SH3D19: variants seen among roughly 807,000 people sequenced by gnomAD.
SH3D19 encodes the protein SH3 domain containing 19.
In SH3D19, 58 loss-of-function variants were observed where a neutral mutation model predicts 112.1. That is an observed-to-expected ratio of 0.52 (90% CI 0.42 to 0.64). The LOEUF (loss-of-function observed/expected upper bound fraction) is 0.64, where lower values mean the gene tolerates loss of function less well. Ranked by LOEUF, SH3D19 falls within the 30% of genes least tolerant of loss-of-function variation. The pLI, the probability that SH3D19 is intolerant of heterozygous loss-of-function variation, is 0.00. For synonymous variants in SH3D19, 391 were observed against 448.5 expected (o/e 0.87, Z 1.62); for missense variants, 1,090 against 1,263.4 (o/e 0.86, Z 2.08).
chr4:151,280,127 T>C (rs190831049), intron 1 of SH3D19, among the ~76,000 whole-genome samples: 166 of 67,734 alleles, frequency 2.5e-3, no homozygotes, highest in Middle Eastern at 0.01. Context: ...GGCATAGAAG[T>C]AGAAAAAGGA....
intron 12 of SH3D19, chr4:151,140,126 C>A (rs1752732240): frequency 2.8e-6 from 1 of 352,996 alleles, no homozygotes; most frequent in African/African-American, 2.1e-5. Context: ...CAAAAGGGAA[C>A]TGTTTATTTA....
chr4:151,162,928 G>A (rs1327653170), intron 8 of SH3D19, among the ~76,000 whole-genome samples: 4 of 152,064 alleles, frequency 2.6e-5, no homozygotes, highest in African/African-American at 9.7e-5. Context: ...GACAGTTCTC[G>A]CCATCCTCAA....
intron 13 of SH3D19, among the ~76,000 whole-genome samples, chr4:151,138,686 TCA>T (rs1177218801): frequency 0.061 from 3,287 of 53,994 alleles, 92 homozygotes; most frequent in Admixed American, 0.13. Flanking sequence ...AGATCTTGTC[TCA>T]CACACACACA....
intron 1 of SH3D19, among the ~76,000 whole-genome samples, chr4:151,284,006 T>G (rs1437616253): frequency 1.3e-5 from 2 of 152,228 alleles, no homozygotes; most frequent in Non-Finnish European, 2.9e-5. Flanking sequence ...ATTTTTTCTT[T>G]ACCTTTGATT....
intron 2 of SH3D19, among the ~76,000 whole-genome samples, chr4:151,204,977 C>T (rs1764894768): frequency 6.6e-6 from 1 of 152,010 alleles, no homozygotes; most frequent in Non-Finnish European, 1.5e-5. Context: ...CGCACCACCA[C>T]ACCTGGCTAA....
intron 2 of SH3D19, among the ~76,000 whole-genome samples, chr4:151,200,656 A>G (rs1300422082): frequency 6.6e-6 from 1 of 152,220 alleles, no homozygotes; most frequent in Non-Finnish European, 1.5e-5. Context: ...GAAAGTGACA[A>G]AGAAAATGTT....
chr4:151,307,132 C>A (rs1370065943), intron 1 of SH3D19, among the ~76,000 whole-genome samples: 1 of 151,016 alleles, frequency 6.6e-6, no homozygotes, highest in Non-Finnish European at 1.5e-5. Context: ...CATTCTCCTG[C>A]CTCAGCCTCC....
intron 2 of SH3D19, among the ~76,000 whole-genome samples, chr4:151,207,909 ACTTGAAGAGCCCTGAC>A (rs1397550290): frequency 1.3e-5 from 2 of 152,190 alleles, no homozygotes; most frequent in Non-Finnish European, 2.9e-5. Flanking sequence ...GGTTACAGAG[ACTTGAAGAGCCCTGAC>A]CTTGAAAAGC....
At chr4:151,180,420 T>G (rs1337090635) in intron 3 of SH3D19, among the ~76,000 whole-genome samples, 4 of 149,934 alleles carry the variant, frequency 2.7e-5, no homozygotes, top group African/African-American at 7.3e-5. Flanking sequence ...TCTTTTTTTT[T>G]TTTTTTGAGA....
chr4:151,138,612 T>C (rs1752332006), intron 13 of SH3D19, among the ~76,000 whole-genome samples: 1 of 150,930 alleles, frequency 6.6e-6, no homozygotes, highest in Non-Finnish European at 1.5e-5. Flanking sequence ...GGAGGATCAC[T>C]TGAGTCCAGG....
chr4:151,130,459 A>G (rs2149733580), intron 17 of SH3D19, among the ~76,000 whole-genome samples: 1 of 152,092 alleles, frequency 6.6e-6, no homozygotes, highest in Middle Eastern at 3.4e-3. Flanking sequence ...AAACAAAACA[A>G]AAAAACCAAA....
At chr4:151,254,889 A>G (rs1328597346) in intron 1 of SH3D19, among the ~76,000 whole-genome samples, 2 of 150,528 alleles carry the variant, frequency 1.3e-5, no homozygotes, top group African/African-American at 2.4e-5. Flanking sequence ...ACTTCCCAGT[A>G]GGGGCGGCCG....
chr4:151,286,195 A>AC (rs1554067160), intron 1 of SH3D19, among the ~76,000 whole-genome samples: 2 of 149,916 alleles, frequency 1.3e-5, no homozygotes, highest in African/African-American at 2.5e-5. Flanking sequence ...AAAAAAAAAA[A>AC]AAAAAAAAAC....
At chr4:151,150,206 A>AAAAAAAAAAATAT (rs1273707426) in intron 9 of SH3D19, among the ~76,000 whole-genome samples, 1 of 46,158 alleles carries the variant, frequency 2.2e-5, no homozygotes, top group Non-Finnish European at 4.2e-5. Context: ...AAAAAAAAAA[A>AAAAAAAAAAATAT]ATATATATAT....
intron 12 of SH3D19, among the ~76,000 whole-genome samples, chr4:151,141,995 C>T (rs1323211273): frequency 6.6e-6 from 1 of 152,214 alleles, no homozygotes; most frequent in South Asian, 2.1e-4. Context: ...GCAAGAGGAA[C>T]AGGCTAGACA....
chr4:151,240,111 T>TG (rs909352591), intron 1 of SH3D19, among the ~76,000 whole-genome samples: 2 of 11,386 alleles, frequency 1.8e-4, no homozygotes, highest in East Asian at 0.04. Flanking sequence ...CCAAAAGAAA[T>TG]TTTTTTTAAT....
intron 19 of SH3D19, among the ~76,000 whole-genome samples, chr4:151,123,298 T>A (rs1276459066): frequency 6.6e-6 from 1 of 152,250 alleles, no homozygotes; most frequent in African/African-American, 2.4e-5. Context: ...TCCTAACCAC[T>A]AGGCTATGTG....
Position 151,190,161 on chromosome 4 carries a change from T to C in SH3D19, c.153-2698A>G, listed in dbSNP as rs936147595. On this transcript the variant is annotated intron_variant, in intron 2 of 19. Coordinates refer to ENST00000604030, the MANE Select transcript of SH3D19 (RefSeq NM_001378122.1). ...CTTGAGAGAGATGATTTAGGGCCTCTGGCAGAAGAAATTTCTAAGCAGCAA... is the reference window on the plus strand; with the variant it reads ...CTTGAGAGAGATGATTTAGGGCCTCCGGCAGAAGAAATTTCTAAGCAGCAA... Among the ~76,000 whole-genome samples the C allele has an allele frequency of 3.9e-5, 6 of 152,310 alleles. No individual in the cohort carries two copies. The East Asian group carries it at 7.7e-4, about 20-fold the overall frequency.
intron 1 of SH3D19, chr4:151,277,183 C>T: frequency 6.7e-7 from 1 of 1,490,152 alleles, no homozygotes; most frequent in Non-Finnish European, 9.0e-7. Flanking sequence ...ATGGGCCCTG[C>T]TGGCTGTGCC....
Sources: gnomAD v4.1 joint callset for allele counts (sites outside exome capture counted in the v4.1 genomes callset) on GRCh38, gnomAD v4.1.1 for gene constraint, MANE v1.5 for transcripts, NCBI Gene and HGNC (gene_info 2026-07-23, HGNC 2026-07-21) for gene names.